The following SLC35F3 variants were observed in gnomAD, a reference collection of about 807,000 sequenced individuals.
The protein encoded by SLC35F3 is putative thiamine transporter SLC35F3.
Under a neutral mutation model 49.9 loss-of-function variants are expected in SLC35F3, and 25 were observed. The ratio of observed to expected loss-of-function variants is 0.50; its 90% CI spans 0.37 to 0.70. The LOEUF (loss-of-function observed/expected upper bound fraction) is 0.70, where lower values mean the gene tolerates loss of function less well. Among genes scored for constraint, SLC35F3 ranks in the 30% least tolerant of loss-of-function variants. The pLI, the probability that SLC35F3 is intolerant of heterozygous loss-of-function variation, is 0.00. For missense variants in SLC35F3, 525 were observed against 639.8 expected (o/e 0.82, Z 1.94); for synonymous variants, 275 against 265.4 (o/e 1.04, Z -0.35).
chr1:234,253,329 CA>C (rs759155293), intron 3 of SLC35F3, among the ~76,000 whole-genome samples: 1 of 148,642 alleles, frequency 6.7e-6, no homozygotes, highest in Non-Finnish European at 1.5e-5. Flanking sequence ...AACTTCATCT[CA>C]AAAAAAATAA....
chr1:234,006,738 G>A (rs1426248846), intron 2 of SLC35F3, among the ~76,000 whole-genome samples: 1 of 152,210 alleles, frequency 6.6e-6, no homozygotes, highest in South Asian at 2.1e-4. Flanking sequence ...TGGAAGAAGA[G>A]ATGAGAGCTG....
chr1:234,281,080 G>GT (rs1668317676), intron 3 of SLC35F3, among the ~76,000 whole-genome samples: 2 of 146,126 alleles, frequency 1.4e-5, no homozygotes, highest in South Asian at 4.4e-4. Flanking sequence ...GCTAAATTGT[G>GT]TCCCCCCCCC....
intron 2 of SLC35F3, among the ~76,000 whole-genome samples, chr1:234,109,731 A>G (rs1056226326): frequency 1.3e-5 from 2 of 152,134 alleles, no homozygotes; most frequent in African/African-American, 2.4e-5. Context: ...GGAGAGGGGG[A>G]GGACAAAGAG....
intron 2 of SLC35F3, among the ~76,000 whole-genome samples, chr1:234,161,342 AT>A: frequency 6.6e-6 from 1 of 152,290 alleles, no homozygotes; most frequent in East Asian, 1.9e-4. Flanking sequence ...TGGGGCGAGG[AT>A]TTTAATCCAA....
chr1:233,953,922 CT>C (rs1165833319), intron 2 of SLC35F3, among the ~76,000 whole-genome samples: 3 of 152,144 alleles, frequency 2.0e-5, no homozygotes, highest in Non-Finnish European at 4.4e-5. Context: ...GAAAAGAGCA[CT>C]TCCTGACAAT....
intron 2 of SLC35F3, among the ~76,000 whole-genome samples, chr1:234,099,632 A>G (rs1322717624): frequency 6.6e-6 from 1 of 151,676 alleles, no homozygotes; most frequent in Non-Finnish European, 1.5e-5. Context: ...AAAAAACAAA[A>G]AAAAGATTTT....
chr1:234,115,554 C>T (rs1244942410), intron 2 of SLC35F3, among the ~76,000 whole-genome samples: 1 of 152,200 alleles, frequency 6.6e-6, no homozygotes. Flanking sequence ...AACCTAAGAT[C>T]TACTCACTAT....
At chr1:234,081,096 C>T (rs1664868748) in intron 2 of SLC35F3, among the ~76,000 whole-genome samples, 1 of 152,186 alleles carries the variant, frequency 6.6e-6, no homozygotes, top group African/African-American at 2.4e-5. Flanking sequence ...ATAATAGCCT[C>T]CCACCTGGTC....
intron 2 of SLC35F3, among the ~76,000 whole-genome samples, chr1:234,182,366 C>T (rs1666570981): frequency 6.6e-6 from 1 of 152,166 alleles, no homozygotes; most frequent in South Asian, 2.1e-4. Flanking sequence ...TTACTCCATA[C>T]CTGGAATTAG....
At chr1:234,022,872 C>G (rs16842428) in intron 2 of SLC35F3, among the ~76,000 whole-genome samples, 7,176 of 152,210 alleles carry the variant, frequency 0.047, 365 homozygotes, top group African/African-American at 0.13. Context: ...TATGCCAATC[C>G]TGCCTCTGAC....
At chr1:233,925,622 G>A (rs7545530) in intron 2 of SLC35F3, among the ~76,000 whole-genome samples, 2,008 of 152,222 alleles carry the variant, frequency 0.013, 49 homozygotes, top group African/African-American at 0.043. Flanking sequence ...GGAGCATTTA[G>A]CCCATTTACA....
intron 2 of SLC35F3, among the ~76,000 whole-genome samples, chr1:234,111,354 C>G (rs1665403174): frequency 6.6e-6 from 1 of 152,038 alleles, no homozygotes. Context: ...TGTAATGGCG[C>G]AATCTCAGCT....
intron 3 of SLC35F3, chr1:234,274,157 G>T (rs1371411724): frequency 6.6e-6 from 1 of 152,184 alleles, no homozygotes; most frequent in Non-Finnish European, 1.5e-5. Context: ...CTGTCTTATT[G>T]GAATTTCCAG....
At chr1:234,193,808 A>G (rs917093367) in intron 2 of SLC35F3, among the ~76,000 whole-genome samples, 1 of 152,248 alleles carries the variant, frequency 6.6e-6, no homozygotes, top group Non-Finnish European at 1.5e-5. Flanking sequence ...AGTTCTCAAA[A>G]GAAGATATAC....
At chr1:234,112,414 C>A (rs1311600430) in intron 2 of SLC35F3, among the ~76,000 whole-genome samples, 1 of 152,096 alleles carries the variant, frequency 6.6e-6, no homozygotes, top group African/African-American at 2.4e-5. Flanking sequence ...GCACAGAACA[C>A]CTTGCTGTCC....
intron 2 of SLC35F3, among the ~76,000 whole-genome samples, chr1:234,002,521 G>A (rs1663569006): frequency 6.6e-6 from 1 of 152,074 alleles, no homozygotes; most frequent in South Asian, 2.1e-4. Context: ...GATTAAACTA[G>A]GGTTAGGGTT....
chr1:233,913,013 C>G (rs1661907884), intron 2 of SLC35F3, among the ~76,000 whole-genome samples: 1 of 152,156 alleles, frequency 6.6e-6, no homozygotes, highest in Non-Finnish European at 1.5e-5. Flanking sequence ...CAGACACAGT[C>G]CTTGCCCTAA....
intron 2 of SLC35F3, among the ~76,000 whole-genome samples, chr1:233,913,083 T>C (rs1198674631): frequency 6.6e-6 from 1 of 152,196 alleles, no homozygotes; most frequent in East Asian, 1.9e-4. Flanking sequence ...TAAAGATCAG[T>C]TTGCAGTGCC....
chr1:234,239,294 G>C (rs1667518525), intron 3 of SLC35F3, among the ~76,000 whole-genome samples: 1 of 152,164 alleles, frequency 6.6e-6, no homozygotes, highest in Non-Finnish European at 1.5e-5. Flanking sequence ...CATGTAGGCG[G>C]CATACAAAAG....
Sources: allele counts gnomAD v4.1 joint callset (sites outside exome capture counted in the v4.1 genomes callset), GRCh38; gene constraint gnomAD v4.1.1; transcripts MANE v1.5; gene names NCBI Gene and HGNC (gene_info 2026-07-23, HGNC 2026-07-21).